Variants in ANK2 observed in about 807,000 individuals in gnomAD.
ANK2 encodes the protein ankyrin-2.
ANK2 carries 83 observed loss-of-function variants against 360.5 expected under a neutral mutation model. The ratio of observed to expected loss-of-function variants is 0.23; its 90% CI spans 0.19 to 0.28. The LOEUF (loss-of-function observed/expected upper bound fraction) is 0.28, where lower values mean the gene tolerates loss of function less well. Among genes scored for constraint, ANK2 ranks in the 10% least tolerant of loss-of-function variants. The pLI, the probability that ANK2 is intolerant of heterozygous loss-of-function variation, is 1.00. For missense variants in ANK2, 4,201 were observed against 4,795.7 expected, an observed-to-expected ratio of 0.88 and a Z score of 3.66; for synonymous variants, 1,740 against 1,759.5, an observed-to-expected ratio of 0.99 and a Z score of 0.28.
intron 1 of ANK2, among the ~76,000 whole-genome samples, chr4:113,116,458 C>T (rs2094788489): frequency 6.6e-6 from 1 of 152,202 alleles, no homozygotes; most frequent in Non-Finnish European, 1.5e-5. Context: ...TCACGTGGAT[C>T]TGTAAATGGT....
intron 1 of ANK2, among the ~76,000 whole-genome samples, chr4:113,157,751 C>T (rs867471116): frequency 3.3e-5 from 5 of 152,128 alleles, no homozygotes; most frequent in Admixed American, 2.0e-4. Flanking sequence ...TATTTAGCAC[C>T]TTTGGGGGAA....
chr4:113,172,362 G>A (rs1018170536), intron 1 of ANK2, among the ~76,000 whole-genome samples: 1 of 152,190 alleles, frequency 6.6e-6, no homozygotes, highest in Non-Finnish European at 1.5e-5. Context: ...ATACTTTGAA[G>A]GTGTGGGATA....
Position 112,927,237 on chromosome 4 carries a change from C to G in ANK2, c.21+22723C>G, listed in dbSNP as rs542816700. Among the ~76,000 whole-genome samples the G allele has an allele frequency of 7.2e-5, 11 of 152,244 alleles. No homozygotes were observed. In the East Asian group the frequency reaches 2.1e-3, roughly 29 times the overall value. On this transcript the variant is annotated intron_variant, in intron 2 of 30. Coordinates refer to the ANK2 transcript ENST00000503271. ...ACATATATCAGATTCACCTTTGAACCAGTTTTAACATCTTACTGATCCTCT... is the reference window on the plus strand; with the variant it reads ...ACATATATCAGATTCACCTTTGAACGAGTTTTAACATCTTACTGATCCTCT...
intron 1 of ANK2, among the ~76,000 whole-genome samples, chr4:113,100,823 A>G (rs79142897): frequency 6.6e-6 from 1 of 152,296 alleles, no homozygotes; most frequent in East Asian, 1.9e-4. Flanking sequence ...ACAAAAAAAT[A>G]TGCAGCAGCT....
At chr4:113,311,212 A>G (rs370592269) in intron 23 of ANK2, 43 bp from the exon 24 acceptor site, 1 of 1,612,728 alleles carries the variant, frequency 6.2e-7, no homozygotes, top group Non-Finnish European at 8.5e-7. Context: ...AGTTGATATT[A>G]CATTCAAGAA....
intron 26 of ANK2, among the ~76,000 whole-genome samples, chr4:113,327,189 C>T (rs2090414110): frequency 6.6e-6 from 1 of 151,918 alleles, no homozygotes; most frequent in South Asian, 2.1e-4. Context: ...TTGATTTTCC[C>T]ATCTTTGGTC....
intron 5 of ANK2, 80 bp from the exon 6 acceptor site, chr4:113,236,907 A>C: frequency 7.2e-7 from 1 of 1,387,740 alleles, no homozygotes; most frequent in Non-Finnish European, 1.0e-6. Flanking sequence ...ATCATTAAAG[A>C]TTAGAGGCAT....
intron 1 of ANK2, among the ~76,000 whole-genome samples, chr4:113,055,804 C>T (rs2069429807): frequency 6.6e-6 from 1 of 152,100 alleles, no homozygotes; most frequent in African/African-American, 2.4e-5. Flanking sequence ...ATATTTTGAG[C>T]CATTTCTCCT....
At chr4:112,972,060 A>T (rs2039733473) in intron 2 of ANK2, among the ~76,000 whole-genome samples, 1 of 152,186 alleles carries the variant, frequency 6.6e-6, no homozygotes, top group Non-Finnish European at 1.5e-5. Context: ...TTAAGGGAGG[A>T]GGAGTGGTCT....
intron 1 of ANK2, among the ~76,000 whole-genome samples, chr4:113,140,851 G>A (rs763520802): frequency 2.6e-5 from 4 of 151,914 alleles, no homozygotes; most frequent in Non-Finnish European, 5.9e-5. Flanking sequence ...GGTGGTGCAC[G>A]CCTGCAGTCC....
intron 10 of ANK2, among the ~76,000 whole-genome samples, chr4:113,253,932 A>G (rs1213451279): frequency 2.0e-5 from 3 of 152,024 alleles, no homozygotes; most frequent in Non-Finnish European, 4.4e-5. Flanking sequence ...CCCCTTATCC[A>G]TCCTCCTCAA....
chr4:113,036,061 G>A (rs540782389), intron 2 of ANK2, among the ~76,000 whole-genome samples: 28 of 151,854 alleles, frequency 1.8e-4, no homozygotes, highest in Non-Finnish European at 2.8e-4. Context: ...ATTAGTTTCC[G>A]TAGTCTCATA....
chr4:113,221,191 AG>A (rs1171553308), intron 4 of ANK2, among the ~76,000 whole-genome samples: 3 of 152,228 alleles, frequency 2.0e-5, no homozygotes, highest in Admixed American at 2.0e-4. Context: ...TGGGAAGATT[AG>A]TAACAACAAC....
At chr4:113,132,201 G>T (rs772489557) in intron 1 of ANK2, among the ~76,000 whole-genome samples, 1 of 152,068 alleles carries the variant, frequency 6.6e-6, no homozygotes, top group African/African-American at 2.4e-5. Context: ...CCTTGGAATT[G>T]TTATGATATG....
chr4:113,109,597 T>C (rs1351138832), intron 1 of ANK2, among the ~76,000 whole-genome samples: 1 of 152,202 alleles, frequency 6.6e-6, no homozygotes, highest in Non-Finnish European at 1.5e-5. Context: ...CCTGGAACTT[T>C]TCAAAATAAA....
At chr4:112,872,041 T>TC (rs2073262030) in intron 1 of ANK2, among the ~76,000 whole-genome samples, 1 of 151,836 alleles carries the variant, frequency 6.6e-6, no homozygotes, top group Admixed American at 6.6e-5. Context: ...TTTTTTTTTT[T>TC]TCGAGACAGA....
the ANK2 span, among the ~76,000 whole-genome samples, chr4:112,810,347 G>T: frequency 6.6e-6 from 1 of 151,236 alleles, no homozygotes; most frequent in African/African-American, 2.4e-5. Context: ...TTTATCATGA[G>T]CACAGCTACA....
chr4:112,776,065 A>G, the ANK2 span, among the ~76,000 whole-genome samples: 1 of 152,096 alleles, frequency 6.6e-6, no homozygotes, highest in Non-Finnish European at 1.5e-5. Context: ...ACGTGTAGTG[A>G]GAGAAGAGAA....
chr4:113,178,244 A>G (rs1269161751), intron 2 of ANK2, among the ~76,000 whole-genome samples: 2 of 151,912 alleles, frequency 1.3e-5, no homozygotes, highest in African/African-American at 4.8e-5. Context: ...AGTGGGTGAC[A>G]GAGTAAGACC....
Sources: gnomAD v4.1 joint callset for allele counts (sites outside exome capture counted in the v4.1 genomes callset) on GRCh38, gnomAD v4.1.1 for gene constraint, MANE v1.5 for transcripts, NCBI Gene and HGNC (gene_info 2026-07-23, HGNC 2026-07-21) for gene names.